Variants in HYCC2 observed in about 807,000 individuals in gnomAD.
HYCC2 encodes the protein hyccin 2.
the HYCC2 span, chr2:200,981,255 G>A: frequency 6.2e-7 from 1 of 1,608,806 alleles, no homozygotes; most frequent in Non-Finnish European, 8.5e-7. This position sits in a 1 kb window ranked among gnomAD's most constrained non-coding sequence, Gnocchi z 4.5. Context: ...AGAAAGATGA[G>A]GGAGGATGTC....
the HYCC2 span, among the ~76,000 whole-genome samples, chr2:201,026,764 A>G: frequency 6.6e-6 from 1 of 152,234 alleles, no homozygotes; most frequent in African/African-American, 2.4e-5. Flanking sequence ...CTTTGAAACC[A>G]ATGAGAACAA....
chr2:200,988,458 C>T, the HYCC2 span: 1 of 1,531,798 alleles, frequency 6.5e-7, no homozygotes, highest in African/African-American at 1.4e-5. Context: ...AGTTTACAAT[C>T]AATATGCAGT....
chr2:201,023,987 A>C, the HYCC2 span: 4 of 1,613,506 alleles, frequency 2.5e-6, no homozygotes, highest in South Asian at 4.4e-5. Flanking sequence ...TTCTTCCACA[A>C]CACAACGGTC....
chr2:201,008,581 C>G, the HYCC2 span, among the ~76,000 whole-genome samples: 1 of 146,304 alleles, frequency 6.8e-6, no homozygotes, highest in African/African-American at 2.8e-5. Context: ...GGCAACATAA[C>G]TAGACTCTGT....
At chr2:201,038,733 G>A in the HYCC2 span, among the ~76,000 whole-genome samples, 120 of 152,118 alleles carry the variant, frequency 7.9e-4, no homozygotes, top group Middle Eastern at 0.01. Context: ...ATCACACACC[G>A]GGGCCTGTTG....
chr2:201,061,917 G>A, the HYCC2 span, among the ~76,000 whole-genome samples: 1 of 151,646 alleles, frequency 6.6e-6, no homozygotes, highest in Admixed American at 6.6e-5. Context: ...ACCAGCCTGA[G>A]CAACAAAGCA....
chr2:201,001,916 C>T, the HYCC2 span, among the ~76,000 whole-genome samples: 5 of 152,086 alleles, frequency 3.3e-5, no homozygotes, highest in African/African-American at 1.2e-4. Flanking sequence ...CAGTAATCCA[C>T]CTGCCTCAGC....
the HYCC2 span, chr2:201,071,559 C>T: frequency 6.5e-6 from 1 of 152,710 alleles, no homozygotes; most frequent in African/African-American, 2.4e-5. Flanking sequence ...GAGAAGAAAA[C>T]CCCTCTTCAT....
the HYCC2 span, chr2:200,981,059 T>G: frequency 1.6e-6 from 1 of 619,894 alleles, no homozygotes; most frequent in East Asian, 2.9e-5. This position sits in a 1 kb window ranked among gnomAD's most constrained non-coding sequence, Gnocchi z 4.5. Flanking sequence ...ACAAACACAT[T>G]TACAAGGGAT....
At chr2:201,049,334 T>G in the HYCC2 span, among the ~76,000 whole-genome samples, 1 of 152,008 alleles carries the variant, frequency 6.6e-6, no homozygotes, top group Non-Finnish European at 1.5e-5. Flanking sequence ...ACTACACAAT[T>G]TGAATTCTTT....
At chr2:201,061,626 A>AG in the HYCC2 span, among the ~76,000 whole-genome samples, 337 of 148,988 alleles carry the variant, frequency 2.3e-3, 3 homozygotes, top group African/African-American at 8.1e-3. Context: ...TCATACTTAT[A>AG]GTTTTTTTTT....
the HYCC2 span, among the ~76,000 whole-genome samples, chr2:201,002,413 TA>T: frequency 6.6e-6 from 1 of 152,052 alleles, no homozygotes; most frequent in Non-Finnish European, 1.5e-5. Context: ...AAATAATCAG[TA>T]TTGGGAGTTA....
chr2:200,981,148 C>G, the HYCC2 span: 1 of 1,213,450 alleles, frequency 8.2e-7, no homozygotes, highest in Non-Finnish European at 1.2e-6. The surrounding 1 kb of genome is among the most constrained non-coding windows in gnomAD (Gnocchi z 4.5). Flanking sequence ...ATGAAGATAC[C>G]TAAACTAAAT....
chr2:201,032,316 TAATTC>T, the HYCC2 span, among the ~76,000 whole-genome samples: 2 of 152,192 alleles, frequency 1.3e-5, no homozygotes, highest in Admixed American at 6.6e-5. Flanking sequence ...AGCTTTATCC[TAATTC>T]ATTTTTTCTA....
chr2:201,064,820 T>C, the HYCC2 span, among the ~76,000 whole-genome samples: 2 of 152,208 alleles, frequency 1.3e-5, no homozygotes, highest in African/African-American at 4.8e-5. Context: ...AACTTTTAAT[T>C]TTGAAATTAT....
the HYCC2 span, among the ~76,000 whole-genome samples, chr2:201,027,718 T>G: frequency 2.0e-5 from 3 of 152,110 alleles, no homozygotes; most frequent in African/African-American, 7.2e-5. Flanking sequence ...AAAAACCACA[T>G]GATTATCTCA....
the HYCC2 span, chr2:200,981,178 CAATAT>C: frequency 7.0e-7 from 1 of 1,422,982 alleles, no homozygotes; most frequent in Non-Finnish European, 9.6e-7. The surrounding 1 kb of genome is among the most constrained non-coding windows in gnomAD (Gnocchi z 4.5). Flanking sequence ...TAACAGTGAC[CAATAT>C]TTTCACAATG....
the HYCC2 span, among the ~76,000 whole-genome samples, chr2:201,053,605 G>C: frequency 1.3e-5 from 2 of 152,144 alleles, no homozygotes; most frequent in Middle Eastern, 3.2e-3. Flanking sequence ...ACAAATGTGT[G>C]AGTGAAGCCA....
the HYCC2 span, chr2:200,978,287 G>GT: frequency 6.6e-6 from 1 of 152,044 alleles, no homozygotes; most frequent in Non-Finnish European, 1.5e-5. Flanking sequence ...GAAATCTGTT[G>GT]TAAGACCCTG....
Sources: gnomAD v4.1 joint callset for allele counts (sites outside exome capture counted in the v4.1 genomes callset) on GRCh38, gnomAD v4.1.1 for gene constraint, Gnocchi (gnomAD v3.1) non-coding constraint, MANE v1.5 for transcripts, NCBI Gene and HGNC (gene_info 2026-07-23, HGNC 2026-07-21) for gene names.